The following PRR16 variants were observed in gnomAD, a reference collection of about 807,000 sequenced individuals.
The protein encoded by PRR16 is protein Largen.
PRR16 carries 6 observed loss-of-function variants against 18.2 expected under a neutral mutation model. The observed-to-expected ratio is 0.33, with a 90% confidence interval of 0.18 to 0.65. PRR16 has a LOEUF of 0.65. Ranked by LOEUF, PRR16 falls within the 30% of genes least tolerant of loss-of-function variation. The probability of loss-of-function intolerance (pLI) is 0.74; values close to 1 mark genes in which losing one functional copy is unlikely to be tolerated. For missense variants in PRR16, 412 were observed against 376.6 expected (o/e 1.09, Z -0.78); for synonymous variants, 151 against 147.8 (o/e 1.02, Z -0.16).
At chr5:120,787,765 T>TA in the PRR16 span, among the ~76,000 whole-genome samples, 14 of 152,194 alleles carry the variant, frequency 9.2e-5, no homozygotes, top group East Asian at 2.5e-3. Context: ...ATATGGAGCG[T>TA]AAGTACTTCC....
the PRR16 span, among the ~76,000 whole-genome samples, chr5:120,699,562 A>C: frequency 6.6e-6 from 1 of 152,186 alleles, no homozygotes; most frequent in Non-Finnish European, 1.5e-5. Context: ...AAGTATATGC[A>C]TCAGGTATGA....
chr5:120,623,218 A>C (rs1580799238), intron 1 of PRR16, among the ~76,000 whole-genome samples: 1 of 152,156 alleles, frequency 6.6e-6, no homozygotes, highest in East Asian at 1.9e-4. Flanking sequence ...AAAAGGGGAA[A>C]GATTTTATAA....
chr5:120,723,207 T>C, the PRR16 span, among the ~76,000 whole-genome samples: 1 of 151,952 alleles, frequency 6.6e-6, no homozygotes, highest in Admixed American at 6.6e-5. Flanking sequence ...AATAAAATGG[T>C]TGATTTTACA....
intron 1 of PRR16, among the ~76,000 whole-genome samples, chr5:120,486,151 T>C (rs1326239059): frequency 6.6e-6 from 1 of 152,184 alleles, no homozygotes. Context: ...TTATAATCCT[T>C]TGGGTATATA....
At position 120,596,872 on chromosome 5, in the gene PRR16, G is replaced by T. The variant is rs148323647; in HGVS notation, c.160-89082G>T. Among the ~76,000 whole-genome samples, 963 of 151,504 alleles carry T rather than the reference G, an allele frequency of 6.4e-3. 14 individuals are homozygous for T. The highest frequency in any genetic ancestry group is 0.021 in the African/African-American group (875 of 41,400). On this transcript the variant is annotated intron_variant, in intron 1 of 1. Coordinates refer to ENST00000407149, the MANE Select transcript of PRR16 (RefSeq NM_001300783.2). ...TATGTATTTGTGAAAAAAAAATTATGCAACAGTCTTCTTTCTAGAACTTCT... is the reference window on the plus strand; with the variant it reads ...TATGTATTTGTGAAAAAAAAATTATTCAACAGTCTTCTTTCTAGAACTTCT...
At chr5:120,597,603 C>T (rs1361850775) in intron 1 of PRR16, among the ~76,000 whole-genome samples, 2 of 151,668 alleles carry the variant, frequency 1.3e-5, no homozygotes, top group Non-Finnish European at 3.0e-5. Context: ...ACATCAGGTC[C>T]CTATCAGTAT....
At chr5:120,711,126 TA>T in the PRR16 span, among the ~76,000 whole-genome samples, 1 of 152,198 alleles carries the variant, frequency 6.6e-6, no homozygotes, top group Non-Finnish European at 1.5e-5. Flanking sequence ...TCTCACTGGA[TA>T]ATGCAGAAAA....
chr5:120,582,802 A>G, intron 1 of PRR16, among the ~76,000 whole-genome samples: 1 of 149,976 alleles, frequency 6.7e-6, no homozygotes, highest in South Asian at 2.1e-4. Flanking sequence ...GACCACCTGA[A>G]GTCTAGCTAT....
At chr5:120,757,398 G>T in the PRR16 span, among the ~76,000 whole-genome samples, 1 of 151,932 alleles carries the variant, frequency 6.6e-6, no homozygotes, top group East Asian at 1.9e-4. Flanking sequence ...TCTGTAGATT[G>T]CTTTGGGCAT....
chr5:120,582,076 C>T (rs534363119), intron 1 of PRR16, among the ~76,000 whole-genome samples: 250 of 152,158 alleles, frequency 1.6e-3, no homozygotes, highest in Non-Finnish European at 3.2e-3. Context: ...CAACAGTTGA[C>T]TGGATAGAGA....
chr5:120,571,159 T>G lies in PRR16; in HGVS notation c.159+106514T>G, dbSNP rs569491875. Among the ~76,000 whole-genome samples, 5 of 152,292 alleles carry G rather than the reference T, an allele frequency of 3.3e-5. No individual in the cohort carries two copies. The East Asian group carries it at 5.8e-4, about 18-fold the overall frequency. On this transcript the variant is annotated intron_variant, in intron 1 of 1. Coordinates refer to ENST00000407149, the MANE Select transcript of PRR16 (RefSeq NM_001300783.2). ...TGAATTTTATTCCTGTAAAAACTTA[T>G]AAAACTAATACACAAACAGAGCATA...
intron 1 of PRR16, among the ~76,000 whole-genome samples, chr5:120,483,942 A>G (rs1412918635): frequency 6.6e-6 from 1 of 152,060 alleles, no homozygotes; most frequent in East Asian, 1.9e-4. Context: ...TAATTGGCAC[A>G]GAACATTAAC....
chr5:120,605,660 T>C (rs1754130035), intron 1 of PRR16, among the ~76,000 whole-genome samples: 2 of 152,214 alleles, frequency 1.3e-5, no homozygotes, highest in Admixed American at 6.5e-5. Flanking sequence ...CTACCTTTAA[T>C]CTTTGAAGTT....
At chr5:120,787,999 C>T in the PRR16 span, among the ~76,000 whole-genome samples, 2 of 151,918 alleles carry the variant, frequency 1.3e-5, no homozygotes, top group Admixed American at 6.6e-5. Context: ...GATCATGCTT[C>T]TCCCTCTGCT....
At chr5:120,768,679 T>C in the PRR16 span, among the ~76,000 whole-genome samples, 10 of 151,838 alleles carry the variant, frequency 6.6e-5, no homozygotes, top group African/African-American at 2.2e-4. Context: ...AAATAAATGG[T>C]TGCAGTCAGA....
At chr5:120,704,172 A>T in the PRR16 span, among the ~76,000 whole-genome samples, 1 of 152,186 alleles carries the variant, frequency 6.6e-6, no homozygotes, top group Non-Finnish European at 1.5e-5. Context: ...ATGGGAAACA[A>T]AAATTTTGTT....
At chr5:120,787,868 T>C in the PRR16 span, among the ~76,000 whole-genome samples, 1 of 152,084 alleles carries the variant, frequency 6.6e-6, no homozygotes, top group Non-Finnish European at 1.5e-5. Context: ...TATCTACTTT[T>C]ACATAGTATA....
the PRR16 span, among the ~76,000 whole-genome samples, chr5:120,778,303 T>C: frequency 9.9e-5 from 15 of 152,126 alleles, no homozygotes; most frequent in Admixed American, 9.2e-4. Flanking sequence ...AGAACCATTT[T>C]AAGAGATTTT....
chr5:120,630,615 C>A (rs1487382409), intron 1 of PRR16, among the ~76,000 whole-genome samples: 1 of 152,096 alleles, frequency 6.6e-6, no homozygotes, highest in East Asian at 1.9e-4. Context: ...AGGAAAACAT[C>A]CATGTCTTCT....
Sources: allele counts gnomAD v4.1 joint callset (sites outside exome capture counted in the v4.1 genomes callset), GRCh38; gene constraint gnomAD v4.1.1; transcripts MANE v1.5; gene names NCBI Gene and HGNC (gene_info 2026-07-23, HGNC 2026-07-21).